The following SEC23IP variants were observed in gnomAD, a reference collection of about 807,000 sequenced individuals.
The protein encoded by SEC23IP is SEC23 interacting protein.
SEC23IP carries 70 observed loss-of-function variants against 113.4 expected under a neutral mutation model. That is an observed-to-expected ratio of 0.62 (90% CI 0.51 to 0.75). The LOEUF (loss-of-function observed/expected upper bound fraction) is 0.75. SEC23IP is among the 30% of genes least tolerant of loss of function. The pLI, the probability that SEC23IP is intolerant of heterozygous loss-of-function variation, is 0.00. For missense variants in SEC23IP, 1,160 were observed against 1,204.9 expected (o/e 0.96, Z 0.55); for synonymous variants, 398 against 421.0 (o/e 0.95, Z 0.67).
At chr10:119,904,542 G>A (rs2134463415) in intron 4 of SEC23IP, 1 of 351,780 alleles carries the variant, frequency 2.8e-6, no homozygotes, top group East Asian at 5.2e-5. Flanking sequence ...TAGAACCTAG[G>A]CCGCTGGGAT....
intron 13 of SEC23IP, among the ~76,000 whole-genome samples, chr10:119,929,381 A>AT (rs1322582407): frequency 6.6e-6 from 1 of 152,068 alleles, no homozygotes; most frequent in Non-Finnish European, 1.5e-5. Flanking sequence ...CTACAGGCGC[A>AT]TGCCACCATG....
At chr10:119,894,936 GAATA>G (rs1252229375) in intron 1 of SEC23IP, among the ~76,000 whole-genome samples, 1 of 136,704 alleles carries the variant, frequency 7.3e-6, no homozygotes, top group Non-Finnish European at 1.6e-5. Context: ...GTGTGTGTGT[GAATA>G]TTAATAATTT....
chr10:119,898,154 CA>C (rs1184421231), intron 1 of SEC23IP: 4 of 315,490 alleles, frequency 1.3e-5, no homozygotes, highest in African/African-American at 8.6e-5. Flanking sequence ...AAAATGTTAA[CA>C]GTGTTAACAG....
In SEC23IP at chr10:119,922,220, G is replaced by C. The variant is rs530297344; in HGVS notation, c.2121+1236G>C. 5.9e-5 allele frequency among the ~76,000 whole-genome samples: 9 copies of C among 152,230 alleles called. No individual in the cohort carries two copies. The South Asian group carries it at 1.7e-3, about 28-fold the overall frequency. ...GAGAGAAGACTTCTCCAAGGTGATG[G>C]TGCTTGAGCTTGAAGGAGGGGTAAG... On this transcript the variant is annotated intron_variant, in intron 12 of 18. Coordinates refer to ENST00000369075, the MANE Select transcript of SEC23IP (RefSeq NM_007190.4).
At chr10:119,915,518 T>C (rs1363835831) in intron 7 of SEC23IP, among the ~76,000 whole-genome samples, 1 of 152,162 alleles carries the variant, frequency 6.6e-6, no homozygotes, top group Non-Finnish European at 1.5e-5. Flanking sequence ...TAAACTGATA[T>C]ATCCCAAGCA....
In SEC23IP at chr10:119,892,757, C is replaced by A. The variant is rs1448174660; in HGVS notation, c.-26C>A. 4 of 1,587,830 alleles carry A rather than the reference C, an allele frequency of 2.5e-6. No homozygotes were observed. Among genetic ancestry groups the A allele is most frequent in the Middle Eastern group, 3.4e-4 (2 of 5,832 alleles). ...TGGTGTGGTACCGGGTACCCGGAGA[C>A]GTGTATCGGACGGTGGGCCGCAGCC... is the stretch of plus-strand genomic sequence containing the variant. On this transcript the variant is annotated 5_prime_UTR_variant, in exon 1 of 19. Transcript: ENST00000369075.
intron 5 of SEC23IP, among the ~76,000 whole-genome samples, chr10:119,911,037 CTT>C (rs34695263): frequency 2.3e-5 from 3 of 129,790 alleles, no homozygotes; most frequent in Admixed American, 7.8e-5. Flanking sequence ...AGTATATATT[CTT>C]TTTTTTTTTT....
At chr10:119,913,080 C>T (rs1311607637) in intron 6 of SEC23IP, among the ~76,000 whole-genome samples, 4 of 152,174 alleles carry the variant, frequency 2.6e-5, no homozygotes, top group African/African-American at 9.7e-5. Flanking sequence ...CTTCACTTCC[C>T]CCCGACCCTT....
rs1362656676 is a variant in SEC23IP, at chr10:119,902,914, C to T, written c.812C>T (p.Pro271Leu). The T allele has an allele frequency of 2.5e-6, 4 of 1,614,158 alleles. No homozygotes were observed. The highest frequency in any genetic ancestry group is 1.6e-4 in the Middle Eastern group (1 of 6,062). ...LLQNQYEPVQ[P>L]HWFYCKEVEY... The stretch of plus-strand genomic sequence containing the variant: ...CAAAACCAATATGAGCCTGTTCAGC[C>T]CCACTGGTTTTACTGCAAGGAGGTA... Residue 271 changes from proline (P) to leucine (L), a missense_variant, in exon 3 of 19, where the codon CCC becomes CTC. By Grantham distance (98) the Pro-to-Leu change is moderately conservative (BLOSUM62 -3). Transcript: ENST00000369075.
rs574408843 is a variant in SEC23IP at position 119,910,225 on chromosome 10, C to T, written c.1191+1095C>T. Among the ~76,000 whole-genome samples the T allele has an allele frequency of 3.9e-5, 6 of 152,266 alleles. No individual in the cohort carries two copies. The East Asian group carries it at 1.2e-3, about 29-fold the overall frequency. On this transcript the variant is annotated intron_variant, in intron 5 of 18. Coordinates refer to ENST00000369075, the MANE Select transcript of SEC23IP (RefSeq NM_007190.4). ...GCCTGTCTGCCCTTGATGTGGTTTG[C>T]TCTAACCTTTCAAGTAAAAATGTGT... is the stretch of plus-strand genomic sequence containing the variant.
chr10:119,928,354 TCTTTAA>T (rs2134519101), intron 13 of SEC23IP, among the ~76,000 whole-genome samples: 1 of 152,360 alleles, frequency 6.6e-6, no homozygotes, highest in South Asian at 2.1e-4. Context: ...TTGTAATTGT[TCTTTAA>T]CTTTCTTTTT....
chr10:119,898,253 T>C (rs1854346854), intron 1 of SEC23IP, 174 bp from the exon 2 acceptor site: 1 of 1,198,668 alleles, frequency 8.3e-7, no homozygotes, highest in Non-Finnish European at 1.1e-6. Flanking sequence ...GTTTTTCATT[T>C]CTAAGAAGCA....
rs536424505 is a variant in SEC23IP at position 119,909,281 on chromosome 10, G to T, written c.1191+151G>T. On this transcript the variant is annotated intron_variant, in intron 5 of 18. Coordinates refer to ENST00000369075, the MANE Select transcript of SEC23IP (RefSeq NM_007190.4). ...TTTAAAATACTTTATTATTATAGTG[G>T]ATAATACAGATATTATTTCTATGAT... 19 of 596,570 alleles carry T rather than the reference G, an allele frequency of 3.2e-5. No homozygotes were observed. In the South Asian group the frequency reaches 4.2e-4, roughly 13 times the overall value. The allele number at this position is 596,570 out of a possible 1,614,324, so 37.0% of individuals were successfully genotyped here. A position where few individuals can be genotyped will look rare whatever the true frequency, so the allele number is the denominator to read the frequency against.
At position 119,913,950 on chromosome 10, in the gene SEC23IP, G is replaced by A. The variant is rs112336127; in HGVS notation, c.1313-780G>A. Among the ~76,000 whole-genome samples the A allele has an allele frequency of 6.7e-3, 1,021 of 151,690 alleles. 10 individuals are homozygous for A. The highest frequency in any genetic ancestry group is 0.024 in the African/African-American group (976 of 41,408). Reference sequence around the variant, plus strand: ...GTGGATCACCTGAGGTCAGGAGTTCGAGACCAGCCTGGCCAACTTGGTGAA... The same window carrying A: ...GTGGATCACCTGAGGTCAGGAGTTCAAGACCAGCCTGGCCAACTTGGTGAA... On this transcript the variant is annotated intron_variant, in intron 6 of 18. Coordinates refer to ENST00000369075, the MANE Select transcript of SEC23IP (RefSeq NM_007190.4).
intron 4 of SEC23IP, among the ~76,000 whole-genome samples, chr10:119,908,406 A>G (rs1854750409): frequency 6.6e-6 from 1 of 152,218 alleles, no homozygotes; most frequent in African/African-American, 2.4e-5. Flanking sequence ...AAATATGTTG[A>G]ATTACTAATC....
chr10:119,919,129 G>A (rs1187813367), intron 10 of SEC23IP, among the ~76,000 whole-genome samples: 3 of 151,872 alleles, frequency 2.0e-5, no homozygotes, highest in Non-Finnish European at 2.9e-5. Context: ...GAGTAGTTGG[G>A]ATTACAGGCG....
intron 4 of SEC23IP, 33 bp from the exon 5 acceptor site, chr10:119,909,008 A>G (rs751437556): frequency 1.4e-6 from 2 of 1,413,776 alleles, no homozygotes; most frequent in Non-Finnish European, 2.0e-6. Context: ...TAAATTTGTC[A>G]TGTTGGAATA....
At chr10:119,918,188 A>G (rs1855116094) in intron 9 of SEC23IP, 144 bp downstream of exon 9, 1 of 767,522 alleles carries the variant, frequency 1.3e-6, no homozygotes, top group East Asian at 2.7e-5. Flanking sequence ...CTGAGTTTAG[A>G]TTCTGCCTTT....
intron 18 of SEC23IP, among the ~76,000 whole-genome samples, chr10:119,940,255 T>C (rs1026425949): frequency 2.6e-5 from 4 of 151,298 alleles, no homozygotes; most frequent in Admixed American, 6.6e-5. Flanking sequence ...TGGCGTCATC[T>C]TGGCTCACTG....
Sources: allele counts gnomAD v4.1 joint callset (sites outside exome capture counted in the v4.1 genomes callset), GRCh38; gene constraint gnomAD v4.1.1; transcripts MANE v1.5; gene names NCBI Gene and HGNC (gene_info 2026-07-23, HGNC 2026-07-21).